SATB2: variants seen among roughly 807,000 people sequenced by gnomAD.
SATB2 encodes DNA-binding protein SATB2.
Under a neutral mutation model 73.4 loss-of-function variants are expected in SATB2, and 1 was observed. The observed-to-expected ratio is 0.01, with a 90% CI of 0.00 to 0.06. SATB2 has a LOEUF of 0.06. SATB2 is among the 10% of genes least tolerant of loss of function. The probability of loss-of-function intolerance (pLI) is 1.00; values close to 1 mark genes in which losing one functional copy is unlikely to be tolerated. For missense variants in SATB2, 459 were observed against 945.8 expected, an observed-to-expected ratio of 0.49 and a Z score of 6.75; for synonymous variants, 397 against 367.0, an observed-to-expected ratio of 1.08 and a Z score of -0.93.
At chr2:199,384,832 C>T (rs1183890170) in intron 3 of SATB2, among the ~76,000 whole-genome samples, 1 of 152,154 alleles carries the variant, frequency 6.6e-6, no homozygotes, top group African/African-American at 2.4e-5. Flanking sequence ...TATTAAAGAG[C>T]ATGAATATAA....
At chr2:199,460,279 A>G (rs767102660), upstream of SATB2, among the ~76,000 whole-genome samples, 8 of 152,232 alleles carry the variant, frequency 5.3e-5, no homozygotes, top group Non-Finnish European at 1.0e-4. This position sits in a 1 kb window ranked among gnomAD's most constrained non-coding sequence, Gnocchi z 4.0. Flanking sequence ...CAAAGAAACA[A>G]ACTGTAAGTT....
At chr2:199,380,052 T>A (rs1398991006) in intron 5 of SATB2, among the ~76,000 whole-genome samples, 2 of 151,816 alleles carry the variant, frequency 1.3e-5, no homozygotes, top group Non-Finnish European at 2.9e-5. Context: ...CCCAGCTAAC[T>A]TTTGTATTCT....
chr2:199,391,465 A>C (rs1402992411), intron 3 of SATB2, among the ~76,000 whole-genome samples: 1 of 151,780 alleles, frequency 6.6e-6, no homozygotes, highest in Non-Finnish European at 1.5e-5. Flanking sequence ...AAAAACAAAA[A>C]ACGAGTATTT....
chr2:199,407,462 G>C (rs565520743), intron 3 of SATB2, among the ~76,000 whole-genome samples: 1 of 152,012 alleles, frequency 6.6e-6, no homozygotes, highest in African/African-American at 2.4e-5. Context: ...AAACAAGTAG[G>C]AATCTCTAAG....
At chr2:199,467,280 C>T (rs1037638157), upstream of SATB2, 3 of 152,304 alleles carry the variant, frequency 2.0e-5, no homozygotes, top group Non-Finnish European at 4.4e-5. Flanking sequence ...GGAGCTCTCC[C>T]CAGCCCGAGG....
At chr2:199,350,344 T>TAA (rs35456542) in intron 6 of SATB2, among the ~76,000 whole-genome samples, 1 of 137,900 alleles carries the variant, frequency 7.3e-6, no homozygotes. Context: ...CATGGTTTTA[T>TAA]AAAAAAAAAA....
At chr2:199,349,320 G>T in intron 6 of SATB2, 147 bp from the exon 7 acceptor site, 1 of 671,434 alleles carries the variant, frequency 1.5e-6, no homozygotes. Flanking sequence ...GCATAAAAGT[G>T]ATATTCTTTT....
intron 3 of SATB2, among the ~76,000 whole-genome samples, chr2:199,414,397 G>A (rs373397602): frequency 2.6e-5 from 4 of 152,104 alleles, no homozygotes; most frequent in African/African-American, 9.7e-5. Context: ...GTACTGGTAC[G>A]GGAACTCTCC....
At position 199,457,453 on chromosome 2, in the gene SATB2, C is replaced by T. The variant is rs1243606710; in HGVS notation, c.-174G>A. The T allele has an allele frequency of 1.3e-5, 2 of 152,836 alleles. No individual in the cohort carries two copies. The highest frequency in any genetic ancestry group is 2.9e-5 in the Non-Finnish European group (2 of 68,518). 9.5% of individuals were successfully genotyped at this position (152,836 alleles called of 1,614,324 possible). On this transcript the variant is annotated 5_prime_UTR_variant, in exon 1 of 11. Transcript: ENST00000417098. The surrounding 1 kb of genome is among the most constrained non-coding windows in gnomAD (Gnocchi z 4.8). ...GCTTTGCAGTGTTCTCCTAGTCTTC[C>T]TCTTTACTCCTTCCCCTTCCCTCTT...
At chr2:199,365,083 G>T (rs1488235797) in intron 6 of SATB2, among the ~76,000 whole-genome samples, 1 of 152,014 alleles carries the variant, frequency 6.6e-6, no homozygotes, top group African/African-American at 2.4e-5. Flanking sequence ...ATAATCCCAA[G>T]ACCTTAAAAA....
At chr2:199,331,870 T>C (rs1688200517) in intron 7 of SATB2, among the ~76,000 whole-genome samples, 1 of 152,168 alleles carries the variant, frequency 6.6e-6, no homozygotes. Context: ...CTGTCTTGAA[T>C]AGAACATAAA....
At chr2:199,440,063 G>A (rs1348578094) in intron 2 of SATB2, among the ~76,000 whole-genome samples, 2 of 152,126 alleles carry the variant, frequency 1.3e-5, no homozygotes. Flanking sequence ...CCGAGACCAT[G>A]CCACTGCACC....
intron 2 of SATB2, among the ~76,000 whole-genome samples, chr2:199,439,943 A>G (rs991963492): frequency 8.5e-5 from 13 of 152,094 alleles, no homozygotes; most frequent in African/African-American, 3.1e-4. Flanking sequence ...CGTATCTACT[A>G]AAAATACAAA....
At chr2:199,410,109 G>A (rs1341603090) in intron 3 of SATB2, among the ~76,000 whole-genome samples, 1 of 152,160 alleles carries the variant, frequency 6.6e-6, no homozygotes, top group Non-Finnish European at 1.5e-5. Flanking sequence ...TAGTTTAGTA[G>A]TTGAGGCTAT....
At chr2:199,394,920 A>C (rs1312753260) in intron 3 of SATB2, among the ~76,000 whole-genome samples, 1 of 152,002 alleles carries the variant, frequency 6.6e-6, no homozygotes, top group Non-Finnish European at 1.5e-5. Context: ...ATATTTAGTC[A>C]CTCAGGCCAC....
chr2:199,434,370 G>A (rs1300842071), intron 2 of SATB2, among the ~76,000 whole-genome samples: 1 of 152,118 alleles, frequency 6.6e-6, no homozygotes, highest in African/African-American at 2.4e-5. Context: ...TGTTGTCACT[G>A]AAATATTTCT....
chr2:199,280,350 T>C (rs1437332671), intron 10 of SATB2, among the ~76,000 whole-genome samples: 1 of 152,048 alleles, frequency 6.6e-6, no homozygotes, highest in Non-Finnish European at 1.5e-5. Flanking sequence ...ACTGCACAAA[T>C]TGTTTGTAGA....
At chr2:199,385,358 T>TTGAG (rs1689900989) in intron 3 of SATB2, among the ~76,000 whole-genome samples, 3 of 152,166 alleles carry the variant, frequency 2.0e-5, no homozygotes, top group Non-Finnish European at 4.4e-5. Flanking sequence ...GGTCTCCAAC[T>TTGAG]CCTGGGCTCA....
chr2:199,381,909 T>C, intron 3 of SATB2, 89 bp from the exon 4 acceptor site: 1 of 1,438,894 alleles, frequency 6.9e-7, no homozygotes, highest in Admixed American at 1.9e-5. Context: ...GGTCATTCAA[T>C]CATCAACATC....
Sources: gnomAD v4.1 joint callset for allele counts (sites outside exome capture counted in the v4.1 genomes callset) on GRCh38, gnomAD v4.1.1 for gene constraint, Gnocchi (gnomAD v3.1) non-coding constraint, MANE v1.5 for transcripts, NCBI Gene and HGNC (gene_info 2026-07-23, HGNC 2026-07-21) for gene names.